Variants in SPAG16 observed in about 807,000 individuals in gnomAD.
The protein encoded by SPAG16 is sperm associated antigen 16, also known as sperm-associated antigen 16 protein.
A neutral mutation model predicts 80.4 loss-of-function variants in SPAG16; 86 were observed. The ratio of observed to expected loss-of-function variants is 1.07; its 90% CI spans 0.90 to 1.28. The LOEUF is 1.28. Ranked by LOEUF, SPAG16 falls within the 50% of genes most tolerant of loss-of-function variation. The pLI is 0.00. For missense variants in SPAG16, 870 were observed against 765.3 expected, an observed-to-expected ratio of 1.14 and a Z score of -1.61; for synonymous variants, 294 against 265.9, an observed-to-expected ratio of 1.11 and a Z score of -1.03.
At chr2:214,364,793 T>C (rs1215515452) in intron 15 of SPAG16, among the ~76,000 whole-genome samples, 1 of 152,094 alleles carries the variant, frequency 6.6e-6, no homozygotes, top group African/African-American at 2.4e-5. Flanking sequence ...TCAGAGATGA[T>C]TGTGGGGTCT....
chr2:213,600,867 TAA>T (rs1169159167), intron 10 of SPAG16, among the ~76,000 whole-genome samples: 2 of 152,190 alleles, frequency 1.3e-5, no homozygotes, highest in East Asian at 3.8e-4. Flanking sequence ...AAGGTTCACT[TAA>T]AAGTTAATTG....
chr2:213,559,434 C>A (rs2059532797), intron 10 of SPAG16, among the ~76,000 whole-genome samples: 2 of 152,002 alleles, frequency 1.3e-5, no homozygotes, highest in Non-Finnish European at 2.9e-5. Context: ...AGAAATCTTA[C>A]CGAATGAAAA....
intron 12 of SPAG16, among the ~76,000 whole-genome samples, chr2:213,932,173 TATATATATATATATATA>T (rs1559602435): frequency 0.091 from 2,605 of 28,552 alleles, 66 homozygotes; most frequent in South Asian, 0.24. Flanking sequence ...TATATATATA[TATATATATATATATATA>T]TATATATATT....
At chr2:213,462,024 G>A (rs2072398383) in intron 9 of SPAG16, among the ~76,000 whole-genome samples, 1 of 152,142 alleles carries the variant, frequency 6.6e-6, no homozygotes, top group South Asian at 2.1e-4. Flanking sequence ...AGTCATAAAT[G>A]AGATGTTGAA....
chr2:213,799,960 GA>G (rs11296127), intron 10 of SPAG16, among the ~76,000 whole-genome samples: 76,749 of 130,452 alleles, frequency 0.59, 22,278 homozygotes, highest in East Asian at 0.79. Context: ...AGACTGGATT[GA>G]AAAAAAAAAA....
At chr2:214,073,172 T>G (rs2050881259) in intron 13 of SPAG16, among the ~76,000 whole-genome samples, 1 of 151,330 alleles carries the variant, frequency 6.6e-6, no homozygotes, top group Admixed American at 6.6e-5. Flanking sequence ...CCAAAATTGG[T>G]CAACAATATG....
At chr2:213,338,747 C>G (rs1046226870) in intron 5 of SPAG16, among the ~76,000 whole-genome samples, 1 of 152,134 alleles carries the variant, frequency 6.6e-6, no homozygotes, top group Non-Finnish European at 1.5e-5. Flanking sequence ...TTATCCTCAG[C>G]AAACTAATGC....
At chr2:214,147,074 G>A (rs2055681495) in intron 14 of SPAG16, among the ~76,000 whole-genome samples, 1 of 151,832 alleles carries the variant, frequency 6.6e-6, no homozygotes, top group Admixed American at 6.6e-5. Context: ...AGTTTCTAAG[G>A]CAATGGAAAA....
At chr2:214,307,369 T>C (rs1265003367) in intron 15 of SPAG16, among the ~76,000 whole-genome samples, 1 of 152,156 alleles carries the variant, frequency 6.6e-6, no homozygotes, top group Admixed American at 6.5e-5. Flanking sequence ...TTTGAATGGT[T>C]TTTCATATCT....
chr2:213,912,047 G>A (rs1261957987), intron 11 of SPAG16, among the ~76,000 whole-genome samples: 1 of 151,992 alleles, frequency 6.6e-6, no homozygotes, highest in Non-Finnish European at 1.5e-5. Context: ...ATTTAGCTAG[G>A]TTATTCTGTA....
Position 213,869,264 on chromosome 2 carries a change from A to AATATAT in SPAG16, c.1214+6647_1214+6652dup, listed in dbSNP as rs1553648742. Among the ~76,000 whole-genome samples, 522 of 63,578 alleles carry AATATAT rather than the reference A, an allele frequency of 8.2e-3. 12 individuals are homozygous for AATATAT. Among genetic ancestry groups the AATATAT allele is most frequent in the South Asian group, 0.016 (12 of 746 alleles). 41.7% of individuals were successfully genotyped at this position (63,578 alleles called of 152,430 possible). A position where few individuals can be genotyped will look rare whatever the true frequency, so the allele number is the denominator to read the frequency against. ...GCTAAAGTCCATGTCAAAAAAAAAAAATATATATATATATATGTATATATA... is the reference window on the plus strand; with the variant it reads ...GCTAAAGTCCATGTCAAAAAAAAAAAATATATATATATATATATATATGTATATATA... On this transcript the variant is annotated intron_variant, in intron 11 of 15. Transcript: ENST00000331683.
chr2:213,472,110 A>G (rs1404275131), intron 9 of SPAG16, among the ~76,000 whole-genome samples: 1 of 152,216 alleles, frequency 6.6e-6, no homozygotes, highest in Admixed American at 6.5e-5. Context: ...TGTAGAAGTA[A>G]AAAGCGATCA....
intron 1 of SPAG16, among the ~76,000 whole-genome samples, chr2:213,291,872 C>T (rs1275779111): frequency 6.6e-6 from 1 of 152,160 alleles, no homozygotes; most frequent in Non-Finnish European, 1.5e-5. Context: ...TGCTGTTTGA[C>T]CTCACTGGGT....
chr2:214,028,860 T>G (rs1011073624), intron 13 of SPAG16, among the ~76,000 whole-genome samples: 1 of 152,138 alleles, frequency 6.6e-6, no homozygotes, highest in African/African-American at 2.4e-5. Context: ...AAATCTTTAC[T>G]ATTGAATGTA....
intron 15 of SPAG16, among the ~76,000 whole-genome samples, chr2:214,225,115 C>A: frequency 6.6e-6 from 1 of 152,092 alleles, no homozygotes; most frequent in East Asian, 1.9e-4. Flanking sequence ...AAAAGTGCTC[C>A]CCGCTGTTCA....
chr2:213,426,830 G>GATA (rs1553523506), intron 9 of SPAG16, among the ~76,000 whole-genome samples: 4 of 69,634 alleles, frequency 5.7e-5, no homozygotes, highest in Non-Finnish European at 1.2e-4. Context: ...AGATTATTCT[G>GATA]ATACATACAC....
intron 14 of SPAG16, among the ~76,000 whole-genome samples, chr2:214,148,038 A>G (rs2055749926): frequency 6.6e-6 from 1 of 152,328 alleles, no homozygotes; most frequent in East Asian, 1.9e-4. Context: ...TTAAGTTGAC[A>G]TTAAAAAATT....
At chr2:213,860,449 G>GTA (rs1372558688) in intron 10 of SPAG16, among the ~76,000 whole-genome samples, 6 of 119,278 alleles carry the variant, frequency 5.0e-5, no homozygotes, top group Non-Finnish European at 7.2e-5. Context: ...ATAGATATAT[G>GTA]TATATATATA....
At chr2:214,153,533 A>G (rs2056079903) in intron 15 of SPAG16, among the ~76,000 whole-genome samples, 2 of 152,086 alleles carry the variant, frequency 1.3e-5, no homozygotes, top group African/African-American at 4.8e-5. Context: ...TGCCACCCAC[A>G]GTCTACCATG....
Sources: gnomAD v4.1 joint callset for allele counts (sites outside exome capture counted in the v4.1 genomes callset) on GRCh38, gnomAD v4.1.1 for gene constraint, MANE v1.5 for transcripts, NCBI Gene and HGNC (gene_info 2026-07-23, HGNC 2026-07-21) for gene names.